The following ATRNL1 variants were observed in gnomAD, a reference collection of about 807,000 sequenced individuals.
ATRNL1 encodes attractin like 1, also known as attractin-like protein 1.
Under a neutral mutation model 182.7 loss-of-function variants are expected in ATRNL1, and 95 were observed. The ratio of observed to expected loss-of-function variants is 0.52; its 90% CI spans 0.44 to 0.62. The LOEUF (loss-of-function observed/expected upper bound fraction) is 0.62. Ranked by LOEUF, ATRNL1 falls within the 20% of genes least tolerant of loss-of-function variation. ATRNL1 has a pLI of 0.00. For missense variants in ATRNL1, 1,471 were observed against 1,679.5 expected (o/e 0.88, Z 2.17); for synonymous variants, 576 against 568.3 (o/e 1.01, Z -0.19).
At chr10:115,305,734 C>T (rs1334611892) in intron 17 of ATRNL1, among the ~76,000 whole-genome samples, 7 of 152,082 alleles carry the variant, frequency 4.6e-5, no homozygotes, top group South Asian at 2.1e-4. Flanking sequence ...ATAGTCAAAA[C>T]GGCACTGTAT....
chr10:115,359,668 G>C (rs1554943714), intron 19 of ATRNL1, among the ~76,000 whole-genome samples: 1 of 151,290 alleles, frequency 6.6e-6, no homozygotes, highest in East Asian at 1.9e-4. Flanking sequence ...ATTGAAGACT[G>C]GTAAGAGAAG....
rs140121727 is a variant in ATRNL1, at chr10:115,476,361, C to T, written c.3654+7032C>T. Among the ~76,000 whole-genome samples the T allele has an allele frequency of 1.8e-3, 270 of 151,388 alleles. 2 individuals carry two copies. The highest frequency in any genetic ancestry group is 6.4e-3 in the African/African-American group (265 of 41,442). ...GCAGAAAATTCATGTGCTTAAAAAGCAAAGTGCCTTCTGCTCTTGTTATTC... is the reference window on the plus strand; with the variant it reads ...GCAGAAAATTCATGTGCTTAAAAAGTAAAGTGCCTTCTGCTCTTGTTATTC... On this transcript the variant is annotated intron_variant, in intron 24 of 28. Transcript: ENST00000355044.
At chr10:115,245,475 C>T (rs897050060) in intron 10 of ATRNL1, among the ~76,000 whole-genome samples, 20 of 126,490 alleles carry the variant, frequency 1.6e-4, no homozygotes, top group African/African-American at 4.6e-4. Flanking sequence ...CTCCAGCCTG[C>T]GCAACAAGAC....
intron 14 of ATRNL1, among the ~76,000 whole-genome samples, chr10:115,282,180 TATA>T (rs1281185563): frequency 2.0e-5 from 3 of 146,670 alleles, no homozygotes; most frequent in Non-Finnish European, 4.5e-5. Flanking sequence ...TAATATATAA[TATA>T]ATATAAATTA....
chr10:115,211,769 C>T (rs1289802734), intron 8 of ATRNL1, among the ~76,000 whole-genome samples: 1 of 137,648 alleles, frequency 7.3e-6, no homozygotes, highest in African/African-American at 2.6e-5. Flanking sequence ...CCCCTCCCCT[C>T]ACCCACAACA....
At chr10:115,451,081 A>G (rs1425584136) in intron 21 of ATRNL1, among the ~76,000 whole-genome samples, 1 of 152,206 alleles carries the variant, frequency 6.6e-6, no homozygotes, top group Non-Finnish European at 1.5e-5. Flanking sequence ...AGAAGATTGA[A>G]GCTGGACCCC....
At chr10:115,370,046 C>T (rs1186243274) in intron 19 of ATRNL1, among the ~76,000 whole-genome samples, 5 of 152,138 alleles carry the variant, frequency 3.3e-5, no homozygotes, top group Non-Finnish European at 7.4e-5. Flanking sequence ...GAATAAGTCT[C>T]CCAAGATCTG....
In ATRNL1 at chr10:115,587,483, C is replaced by T. The variant is rs184162345; in HGVS notation, c.3795+37947C>T. Among the ~76,000 whole-genome samples, 1,498 of 151,892 alleles carry T rather than the reference C, an allele frequency of 9.9e-3. 21 individuals carry two copies. The highest frequency in any genetic ancestry group is 0.033 in the African/African-American group (1,375 of 41,482). Reference sequence around the variant, plus strand: ...GTGGTGTGCCGTTGTTTTAGCCCGTCGGAAAAGCGCAGTATTCAGGTGGGA... The same window carrying T: ...GTGGTGTGCCGTTGTTTTAGCCCGTTGGAAAAGCGCAGTATTCAGGTGGGA... On this transcript the variant is annotated intron_variant, in intron 26 of 28. Coordinates refer to ENST00000355044, the MANE Select transcript of ATRNL1 (RefSeq NM_207303.4).
In ATRNL1 at chr10:115,297,239, G is replaced by A. The variant is rs115403465; in HGVS notation, c.2416-2795G>A. Among the ~76,000 whole-genome samples the A allele has an allele frequency of 7.7e-3, 1,173 of 152,260 alleles. 18 individuals carry two copies. Among genetic ancestry groups the A allele is most frequent in the African/African-American group, 0.027 (1,128 of 41,540 alleles). Reference sequence around the variant, plus strand: ...TAATATTTTTGAAGAATGTGACAAGGTGTATTTGTAAAGTATTATTTTTAG... The same window carrying A: ...TAATATTTTTGAAGAATGTGACAAGATGTATTTGTAAAGTATTATTTTTAG... On this transcript the variant is annotated intron_variant, in intron 15 of 28. Coordinates refer to ENST00000355044, the MANE Select transcript of ATRNL1 (RefSeq NM_207303.4).
At chr10:115,770,588 C>G (rs761247306) in intron 27 of ATRNL1, among the ~76,000 whole-genome samples, 15 of 152,222 alleles carry the variant, frequency 9.9e-5, no homozygotes, top group Non-Finnish European at 1.9e-4. Flanking sequence ...ATTACTCACA[C>G]ATGCAAAAAT....
At chr10:115,746,225 TA>T (rs1379242202) in intron 27 of ATRNL1, among the ~76,000 whole-genome samples, 1 of 152,132 alleles carries the variant, frequency 6.6e-6, no homozygotes, top group Non-Finnish European at 1.5e-5. Flanking sequence ...CATCAAAGAT[TA>T]ACTTTTAATT....
chr10:115,214,585 T>G (rs1414876132), intron 8 of ATRNL1, among the ~76,000 whole-genome samples: 4 of 152,092 alleles, frequency 2.6e-5, no homozygotes, highest in African/African-American at 9.7e-5. Flanking sequence ...TCATTTTCTA[T>G]TAGTTGATTT....
In ATRNL1 at chr10:115,325,340, C is replaced by A. The variant is rs140073374; in HGVS notation, c.3038-8942C>A. Among the ~76,000 whole-genome samples, 323 of 152,250 alleles carry A rather than the reference C, an allele frequency of 2.1e-3. 2 individuals carry two copies. Among genetic ancestry groups the A allele is most frequent in the African/African-American group, 7.4e-3 (307 of 41,540 alleles). ...TTATGTGCAAGCTGACATTACCTGT[C>A]GATCTAACACTCTTTTGGTAGTGGG... On this transcript the variant is annotated intron_variant, in intron 18 of 28. Transcript: ENST00000355044.
At chr10:115,302,717 C>T (rs1237739370) in intron 17 of ATRNL1, among the ~76,000 whole-genome samples, 1 of 152,136 alleles carries the variant, frequency 6.6e-6, no homozygotes, top group African/African-American at 2.4e-5. Flanking sequence ...ATATTTAATA[C>T]TGGGTACTAT....
chr10:115,276,822 G>C (rs1388509183), intron 13 of ATRNL1, among the ~76,000 whole-genome samples: 4 of 152,034 alleles, frequency 2.6e-5, no homozygotes, highest in African/African-American at 9.7e-5. Flanking sequence ...TTTTACCATT[G>C]ATTAACTTGG....
At chr10:115,233,861 A>G (rs1554900670) in intron 9 of ATRNL1, among the ~76,000 whole-genome samples, 1 of 151,938 alleles carries the variant, frequency 6.6e-6, no homozygotes, top group Non-Finnish European at 1.5e-5. Context: ...ATAATGTATT[A>G]TGTGTTTTTT....
At chr10:115,199,489 G>A (rs1467684504) in intron 8 of ATRNL1, among the ~76,000 whole-genome samples, 3 of 151,920 alleles carry the variant, frequency 2.0e-5, no homozygotes, top group Non-Finnish European at 2.9e-5. Flanking sequence ...GCTTGAACTT[G>A]GGCAGTGGGG....
At chr10:115,227,869 A>T (rs1270933572) in intron 9 of ATRNL1, among the ~76,000 whole-genome samples, 2 of 152,136 alleles carry the variant, frequency 1.3e-5, no homozygotes, top group Non-Finnish European at 2.9e-5. Context: ...TCTTCTATTG[A>T]TATAAAGTTC....
intron 6 of ATRNL1, among the ~76,000 whole-genome samples, chr10:115,160,458 A>T (rs981847917): frequency 6.6e-6 from 1 of 151,888 alleles, no homozygotes; most frequent in Non-Finnish European, 1.5e-5. Flanking sequence ...TCTGAGTAAG[A>T]AAATATTAAC....
Sources: allele counts gnomAD v4.1 joint callset (sites outside exome capture counted in the v4.1 genomes callset), GRCh38; gene constraint gnomAD v4.1.1; transcripts MANE v1.5; gene names NCBI Gene and HGNC (gene_info 2026-07-23, HGNC 2026-07-21).